The following C6 variants were observed in gnomAD, a reference collection of about 807,000 sequenced individuals.
The protein encoded by C6 is complement component C6.
A neutral mutation model predicts 112.9 loss-of-function variants in C6; 101 were observed. The observed-to-expected ratio is 0.89, with a 90% confidence interval of 0.76 to 1.06. C6 has a LOEUF of 1.06. Among genes scored for constraint, C6 ranks in the 50% least tolerant of loss-of-function variants. The probability of loss-of-function intolerance (pLI) is 0.00; values close to 1 mark genes in which losing one functional copy is unlikely to be tolerated. For synonymous variants in C6, 431 were observed against 384.1 expected (o/e 1.12, Z -1.43); for missense variants, 1,202 against 1,104.6 (o/e 1.09, Z -1.25).
upstream of C6, among the ~76,000 whole-genome samples, chr5:41,218,380 A>G (rs1738933524): frequency 6.6e-6 from 1 of 152,212 alleles, no homozygotes; most frequent in Non-Finnish European, 1.5e-5. Context: ...GCACTTGAAC[A>G]GTAAACAAAA....
intron 9 of C6, among the ~76,000 whole-genome samples, 193 bp from the exon 10 acceptor site, chr5:41,162,052 T>C (rs939506238): frequency 1.3e-5 from 2 of 152,110 alleles, no homozygotes; most frequent in Admixed American, 1.3e-4. Flanking sequence ...GAAATAATAA[T>C]AACAGTACTA....
At chr5:41,149,150 A>G (rs1036966124) in intron 17 of C6, 91 bp downstream of exon 17, 20 of 1,461,028 alleles carry the variant, frequency 1.4e-5, no homozygotes, top group Non-Finnish European at 1.7e-5. Context: ...ATTATTTTTG[A>G]TTAAGGATAG....
intron 14 of C6, 25 bp downstream of exon 14, chr5:41,154,947 G>A: frequency 6.2e-7 from 1 of 1,612,292 alleles, no homozygotes; most frequent in Non-Finnish European, 8.5e-7. Flanking sequence ...AAGTAGTCAA[G>A]CAAAATTGTT....
intron 15 of C6, among the ~76,000 whole-genome samples, chr5:41,152,507 C>T (rs1746502461): frequency 6.6e-6 from 1 of 152,160 alleles, no homozygotes; most frequent in Non-Finnish European, 1.5e-5. Flanking sequence ...AGGCTCAGCT[C>T]ACTCTTCCTC....
intron 1 of C6, among the ~76,000 whole-genome samples, chr5:41,238,629 C>A (rs1192886368): frequency 6.6e-6 from 1 of 152,124 alleles, no homozygotes; most frequent in Non-Finnish European, 1.5e-5. Context: ...GTTGTGCTGA[C>A]AAATGATTAA....
chr5:41,170,443 T>C (rs1248227362), intron 9 of C6, among the ~76,000 whole-genome samples: 2 of 151,988 alleles, frequency 1.3e-5, no homozygotes, highest in East Asian at 3.8e-4. Context: ...TATCTCTGAG[T>C]TCTTGATTTA....
rs993197694 is a variant in C6, at chr5:41,213,469, C to T, written c.-114G>A. ...AATGAAGAGGGTATATATGTTAATC[C>T]AAACAAAGCTTCTTTTCTTATTGCT... On this transcript the variant is annotated 5_prime_UTR_variant, in exon 1 of 18. Coordinates refer to ENST00000337836, the MANE Select transcript of C6 (RefSeq NM_000065.5). 2.0e-6 allele frequency: 2 copies of T among 985,262 alleles called. No individual in the cohort carries two copies. The highest frequency in any genetic ancestry group is 2.4e-6 in the Non-Finnish European group (2 of 829,888). 61.0% of individuals were successfully genotyped at this position (985,262 alleles called of 1,614,324 possible).
At chr5:41,181,019 CAT>C (rs1181941004) in intron 7 of C6, among the ~76,000 whole-genome samples, 1 of 150,860 alleles carries the variant, frequency 6.6e-6, no homozygotes, top group African/African-American at 2.4e-5. Flanking sequence ...ATGTATATAA[CAT>C]ATAACAAAAA....
In C6 at chr5:41,142,652, A is replaced by G; in HGVS notation, c.*173T>C. The G allele has an allele frequency of 1.5e-6, 1 of 646,732 alleles. No homozygotes were observed. Among genetic ancestry groups the G allele is most frequent in the South Asian group, 1.7e-5 (1 of 57,748 alleles). The allele number at this position is 646,732 out of a possible 1,614,324, so 40.1% of individuals were successfully genotyped here. A position where few individuals can be genotyped will look rare whatever the true frequency, so the allele number is the denominator to read the frequency against. ...GTCATGAGCTGGAACTGAATAAGAC[A>G]TGCCCAAACAGGAGAGTCAGGGGAG... On this transcript the variant is annotated 3_prime_UTR_variant, in exon 18 of 18. Transcript: ENST00000337836.
intron 9 of C6, among the ~76,000 whole-genome samples, chr5:41,169,271 A>ACATATG (rs998038653): frequency 2.6e-5 from 4 of 152,002 alleles, no homozygotes; most frequent in Non-Finnish European, 5.9e-5. Context: ...CTTCCCCAAC[A>ACATATG]CATATGCATA....
intron 1 of C6, among the ~76,000 whole-genome samples, chr5:41,253,747 A>G (rs983581284): frequency 5.9e-5 from 9 of 152,224 alleles, no homozygotes; most frequent in Non-Finnish European, 1.2e-4. Context: ...TATTGTTTAT[A>G]TCAACATCAA....
At chr5:41,224,990 T>C (rs1425988915) in intron 1 of C6, among the ~76,000 whole-genome samples, 1 of 152,190 alleles carries the variant, frequency 6.6e-6, no homozygotes, top group African/African-American at 2.4e-5. Context: ...TGGCTAATCA[T>C]GTTGAGCATT....
At chr5:41,185,107 G>A (rs896763809) in intron 6 of C6, among the ~76,000 whole-genome samples, 2 of 152,150 alleles carry the variant, frequency 1.3e-5, no homozygotes, top group Non-Finnish European at 2.9e-5. Flanking sequence ...TAAATGTTTA[G>A]GTTTTAGCTC....
intron 3 of C6, among the ~76,000 whole-genome samples, chr5:41,200,357 C>T (rs564825425): frequency 6.6e-6 from 1 of 152,018 alleles, no homozygotes; most frequent in Non-Finnish European, 1.5e-5. Context: ...CGAATGTAGT[C>T]TACACTTTAA....
At chr5:41,255,373 G>T (rs945827705) in intron 1 of C6, among the ~76,000 whole-genome samples, 2 of 124,996 alleles carry the variant, frequency 1.6e-5, no homozygotes, top group African/African-American at 6.7e-5. Flanking sequence ...AAAAAAAAAA[G>T]ATAAGAGTCT....
chr5:41,239,594 C>T (rs952321904), intron 1 of C6, among the ~76,000 whole-genome samples: 3 of 151,914 alleles, frequency 2.0e-5, no homozygotes, highest in Non-Finnish European at 4.4e-5. Flanking sequence ...ACCCATTTTC[C>T]CCATCCCCCA....
At chr5:41,238,115 G>T (rs1024147549) in intron 1 of C6, among the ~76,000 whole-genome samples, 3 of 60,186 alleles carry the variant, frequency 5.0e-5, no homozygotes, top group East Asian at 3.8e-4. Context: ...CATGCTCATG[G>T]GTAGGAAGAA....
intron 1 of C6, among the ~76,000 whole-genome samples, chr5:41,243,129 GCTAAGTGA>G (rs1473129402): frequency 6.6e-6 from 1 of 152,086 alleles, no homozygotes; most frequent in African/African-American, 2.4e-5. Flanking sequence ...TTTCAAAATT[GCTAAGTGA>G]CTAAGTTTCA....
At chr5:41,229,558 C>A (rs1189069357) in intron 1 of C6, among the ~76,000 whole-genome samples, 2 of 151,950 alleles carry the variant, frequency 1.3e-5, no homozygotes, top group Non-Finnish European at 2.9e-5. Context: ...TGATTTCAGT[C>A]TTTTTTGATG....
Sources: gnomAD v4.1 joint callset for allele counts (sites outside exome capture counted in the v4.1 genomes callset) on GRCh38, gnomAD v4.1.1 for gene constraint, MANE v1.5 for transcripts, NCBI Gene and HGNC (gene_info 2026-07-23, HGNC 2026-07-21) for gene names.